Variants in FGD4 observed in about 807,000 individuals in gnomAD.
FGD4 encodes FYVE, RhoGEF and PH domain-containing protein 4.
Under a neutral mutation model 102.0 loss-of-function variants are expected in FGD4, and 42 were observed. The ratio of observed to expected loss-of-function variants is 0.41; its 90% CI spans 0.32 to 0.53. The LOEUF (loss-of-function observed/expected upper bound fraction) is 0.53, where lower values mean the gene tolerates loss of function less well. Among genes scored for constraint, FGD4 ranks in the 20% least tolerant of loss-of-function variants. The pLI is 0.21. For synonymous variants in FGD4, 380 were observed against 375.7 expected, an observed-to-expected ratio of 1.01 and a Z score of -0.13; for missense variants, 902 against 1,078.2, an observed-to-expected ratio of 0.84 and a Z score of 2.29.
Position 32,412,899 on chromosome 12 carries a change from A to ATT in FGD4, c.166+12964_166+12965dup, listed in dbSNP as rs869107334. 8.5e-3 allele frequency among the ~76,000 whole-genome samples: 736 copies of ATT among 86,952 alleles called. 19 individuals are homozygous for ATT. The highest frequency in any genetic ancestry group is 0.024 in the Middle Eastern group (3 of 124). The allele number at this position is 86,952 out of a possible 152,430, so 57.0% of individuals were successfully genotyped here. Reference sequence around the variant, plus strand: ...CTGTCCAGAGACCCCTTTTCTAGAAATTTTTTTTTTTTTTTTTTTTTTTTT... The same window carrying ATT: ...CTGTCCAGAGACCCCTTTTCTAGAAATTTTTTTTTTTTTTTTTTTTTTTTTTT... On this transcript the variant is annotated intron_variant, in intron 1 of 16. Coordinates refer to ENST00000534526, the MANE Select transcript of FGD4 (RefSeq NM_001370298.3).
chr12:32,434,785 A>G (rs1443805847), intron 1 of FGD4, among the ~76,000 whole-genome samples: 1 of 152,226 alleles, frequency 6.6e-6, no homozygotes, highest in African/African-American at 2.4e-5. Flanking sequence ...AAATCTACAC[A>G]ATGTGTTGAG....
chr12:32,557,873 C>G (rs76174377), intron 1 of FGD4, among the ~76,000 whole-genome samples: 3,666 of 152,096 alleles, frequency 0.024, 60 homozygotes, highest in Middle Eastern at 0.037. Context: ...ATCTATGGGA[C>G]AAATGGGGGA....
intron 1 of FGD4, among the ~76,000 whole-genome samples, chr12:32,533,586 C>T (rs1170585555): frequency 2.6e-5 from 4 of 152,062 alleles, no homozygotes; most frequent in Non-Finnish European, 5.9e-5. Context: ...CCACCACACC[C>T]GGCTAATTGT....
chr12:32,422,944 A>G (rs1380241421), intron 1 of FGD4, among the ~76,000 whole-genome samples: 1 of 152,182 alleles, frequency 6.6e-6, no homozygotes, highest in African/African-American at 2.4e-5. Context: ...GCAGAAGCCC[A>G]TAAAGTTTAA....
chr12:32,458,927 G>A (rs1943023200), intron 1 of FGD4, among the ~76,000 whole-genome samples: 1 of 152,150 alleles, frequency 6.6e-6, no homozygotes. Context: ...TAAAGGATTT[G>A]CCTAAAGTTT....
chr12:32,438,451 C>T (rs1942306913), intron 1 of FGD4, among the ~76,000 whole-genome samples: 1 of 152,032 alleles, frequency 6.6e-6, no homozygotes, highest in Admixed American at 6.6e-5. Context: ...CTTCAATAAG[C>T]TTGCTTTTAG....
intron 1 of FGD4, among the ~76,000 whole-genome samples, chr12:32,468,367 T>A (rs1489167693): frequency 6.6e-6 from 1 of 152,104 alleles, no homozygotes; most frequent in Non-Finnish European, 1.5e-5. Context: ...AAATGTTCAT[T>A]AATTAAAAAT....
intron 1 of FGD4, among the ~76,000 whole-genome samples, chr12:32,432,309 C>G (rs1241750129): frequency 6.6e-6 from 1 of 150,492 alleles, no homozygotes; most frequent in Non-Finnish European, 1.5e-5. Flanking sequence ...ATCCGCCTGC[C>G]TCGGCCTCCC....
At chr12:32,599,354 C>T (rs911191097) in intron 5 of FGD4, among the ~76,000 whole-genome samples, 4 of 144,372 alleles carry the variant, frequency 2.8e-5, no homozygotes, top group South Asian at 2.3e-4. Context: ...ATTAGCCGGG[C>T]GTGGTAGCGG....
At chr12:32,533,632 C>T (rs926802614) in intron 1 of FGD4, among the ~76,000 whole-genome samples, 2 of 152,170 alleles carry the variant, frequency 1.3e-5, no homozygotes, top group African/African-American at 4.8e-5. Flanking sequence ...ACCATGTTGG[C>T]CAGGCTGGTT....
intron 1 of FGD4, among the ~76,000 whole-genome samples, chr12:32,551,187 C>T (rs1376703996): frequency 6.6e-6 from 1 of 152,120 alleles, no homozygotes; most frequent in African/African-American, 2.4e-5. Flanking sequence ...GAAAATAGAA[C>T]TCAGGCAGTA....
intron 1 of FGD4, among the ~76,000 whole-genome samples, chr12:32,499,885 G>A (rs1253856073): frequency 1.3e-5 from 2 of 152,234 alleles, no homozygotes; most frequent in Non-Finnish European, 2.9e-5. Context: ...GGGTGTGGTG[G>A]CACATGCCTG....
chr12:32,584,205 A>G (rs1385332370), intron 4 of FGD4, among the ~76,000 whole-genome samples: 1 of 152,234 alleles, frequency 6.6e-6, no homozygotes, highest in Non-Finnish European at 1.5e-5. Context: ...TTTTCTCTGC[A>G]GAGCGGTTGA....
At chr12:32,411,403 A>G (rs982472228) in intron 1 of FGD4, among the ~76,000 whole-genome samples, 3 of 151,364 alleles carry the variant, frequency 2.0e-5, no homozygotes, top group Admixed American at 6.6e-5. Context: ...GCGTGGTGGC[A>G]CACGCCTGTA....
chr12:32,635,417 T>C (rs1312353603), intron 15 of FGD4, among the ~76,000 whole-genome samples: 1 of 152,200 alleles, frequency 6.6e-6, no homozygotes, highest in Admixed American at 6.5e-5. Context: ...GAATTACTTA[T>C]TAGGTCAACT....
intron 1 of FGD4, among the ~76,000 whole-genome samples, chr12:32,458,726 T>C (rs562030277): frequency 6.6e-6 from 1 of 152,334 alleles, no homozygotes; most frequent in Admixed American, 6.5e-5. Flanking sequence ...TTAAGGTTAC[T>C]TGACAAATTA....
chr12:32,451,411 T>C (rs1942771468), intron 1 of FGD4, among the ~76,000 whole-genome samples: 1 of 152,200 alleles, frequency 6.6e-6, no homozygotes, highest in Admixed American at 6.5e-5. Flanking sequence ...TGTGTCTGCC[T>C]GTGATCCTCA....
chr12:32,400,303 A>G (rs1472203073), intron 1 of FGD4, among the ~76,000 whole-genome samples: 1 of 152,202 alleles, frequency 6.6e-6, no homozygotes, highest in Non-Finnish European at 1.5e-5. Flanking sequence ...GCTTCGCTAA[A>G]TTCCTGCTTT....
Position 32,629,743 on chromosome 12 carries a change from CAA to C in FGD4, c.2173-3803_2173-3802del, listed in dbSNP as rs1252610682. Among the ~76,000 whole-genome samples the C allele has an allele frequency of 4.6e-5, 7 of 152,062 alleles. No homozygotes were observed. In the East Asian group the frequency reaches 7.7e-4, roughly 17 times the overall value. On this transcript the variant is annotated intron_variant, in intron 14 of 16. Transcript: ENST00000534526. ...TTCATTTTTAATTTTTAATTATTTC[CAA>C]AAGTTTTTCCTTCCAAATCTGCCTG... is the stretch of plus-strand genomic sequence containing the variant.
Sources: gnomAD v4.1 joint callset for allele counts (sites outside exome capture counted in the v4.1 genomes callset) on GRCh38, gnomAD v4.1.1 for gene constraint, MANE v1.5 for transcripts, NCBI Gene and HGNC (gene_info 2026-07-23, HGNC 2026-07-21) for gene names.